SDK2: variants seen among roughly 807,000 people sequenced by gnomAD.
SDK2 encodes protein sidekick-2.
A neutral mutation model predicts 253.9 loss-of-function variants in SDK2; 105 were observed. The ratio of observed to expected loss-of-function variants is 0.41; its 90% CI spans 0.35 to 0.49. The LOEUF is 0.49. Ranked by LOEUF, SDK2 falls within the 20% of genes least tolerant of loss-of-function variation. The probability of loss-of-function intolerance (pLI) is 0.06; values close to 1 mark genes in which losing one functional copy is unlikely to be tolerated. For synonymous variants in SDK2, 1,249 were observed against 1,234.9 expected (o/e 1.01, Z -0.24); for missense variants, 2,608 against 3,003.0 (o/e 0.87, Z 3.07).
intron 28 of SDK2, among the ~76,000 whole-genome samples, 169 bp from the exon 29 acceptor site, chr17:73,390,650 C>A (rs1395201286): frequency 6.6e-6 from 1 of 152,226 alleles, no homozygotes; most frequent in Non-Finnish European, 1.5e-5. Context: ...ACTCTCCAGT[C>A]TTCAGCTGCC....
chr17:73,627,709 CA>C (rs1335383641), intron 1 of SDK2, among the ~76,000 whole-genome samples: 1 of 152,212 alleles, frequency 6.6e-6, no homozygotes, highest in Non-Finnish European at 1.5e-5. Flanking sequence ...GTACATCAGA[CA>C]ATCTTCCCAC....
rs555298589 is a variant in SDK2 at position 73,608,567 on chromosome 17, C to T, written c.64+35458G>A. On this transcript the variant is annotated intron_variant, in intron 1 of 44. Transcript: ENST00000392650. ...AAGCGATTCTCCTGCCTCAGCCTCC[C>T]GAGTAGCTGGGATTACAGGCACCCA... is the stretch of plus-strand genomic sequence containing the variant. Among the ~76,000 whole-genome samples the T allele has an allele frequency of 3.9e-5, 6 of 152,258 alleles. No homozygotes were observed. The East Asian group carries it at 5.8e-4, about 15-fold the overall frequency.
At chr17:73,359,870 G>C (rs1161200638) in intron 39 of SDK2, among the ~76,000 whole-genome samples, 2 of 152,144 alleles carry the variant, frequency 1.3e-5, no homozygotes, top group African/African-American at 4.8e-5. Flanking sequence ...TTGAACTCCT[G>C]GGCTCAGGCA....
rs1372363484 is a variant in SDK2 at position 73,534,380 on chromosome 17, GA to G, written c.65-26784del. ...TGGCACTGGGCAAGGCAGGGACCAGGAAAAAAGCATTCCTGGGACAGAGGCA... is the reference window on the plus strand; with the variant it reads ...TGGCACTGGGCAAGGCAGGGACCAGGAAAAAGCATTCCTGGGACAGAGGCA... On this transcript the variant is annotated intron_variant, in intron 1 of 44. Coordinates refer to ENST00000392650, the MANE Select transcript of SDK2 (RefSeq NM_001144952.2). The surrounding 1 kb of genome is among the most constrained non-coding windows in gnomAD (Gnocchi z 4.9). 6.6e-6 allele frequency among the ~76,000 whole-genome samples: 1 copy of G among 152,074 alleles called. No individual in the cohort carries two copies.
chr17:73,342,983 G>C (rs1017754892), intron 44 of SDK2, among the ~76,000 whole-genome samples: 2 of 152,214 alleles, frequency 1.3e-5, no homozygotes, highest in African/African-American at 2.4e-5. Flanking sequence ...AGGAAGCCGG[G>C]GAGGCTGACT....
In SDK2 at chr17:73,408,047, C is replaced by CT. The variant is rs951934202; in HGVS notation, c.2485-5907dup. Among the ~76,000 whole-genome samples the CT allele has an allele frequency of 1.1e-3, 76 of 66,244 alleles. 2 individuals carry two copies. In the Admixed American group the frequency reaches 0.013, roughly 11 times the overall value. The allele number at this position is 66,244 out of a possible 152,430, so 43.5% of individuals were successfully genotyped here. On this transcript the variant is annotated intron_variant, in intron 18 of 44. Transcript: ENST00000392650. Reference sequence around the variant, plus strand: ...CACCATCTAGGAAGTAAAATATTTCCTTTTTTTTTTTTTTTTTCTTTTGAG... The same window carrying CT: ...CACCATCTAGGAAGTAAAATATTTCCTTTTTTTTTTTTTTTTTTCTTTTGAG...
chr17:73,468,978 C>G (rs1181803031), intron 3 of SDK2, among the ~76,000 whole-genome samples: 3 of 151,224 alleles, frequency 2.0e-5, no homozygotes, highest in Non-Finnish European at 4.4e-5. Context: ...GTGCATGCCA[C>G]CATGCCCGGC....
At chr17:73,588,276 A>G (rs1318827572) in intron 1 of SDK2, among the ~76,000 whole-genome samples, 2 of 148,124 alleles carry the variant, frequency 1.4e-5, no homozygotes, top group Non-Finnish European at 3.0e-5. Flanking sequence ...AATCTCAGCT[A>G]CTCGGGAGGG....
intron 18 of SDK2, among the ~76,000 whole-genome samples, chr17:73,406,581 A>G (rs2063081463): frequency 6.6e-6 from 1 of 152,198 alleles, no homozygotes; most frequent in South Asian, 2.1e-4. Context: ...AATGGAAGAA[A>G]AAACCAAACC....
chr17:73,505,705 A>G (rs1436528706), intron 2 of SDK2, among the ~76,000 whole-genome samples: 2 of 148,060 alleles, frequency 1.4e-5, no homozygotes, highest in African/African-American at 2.5e-5. Context: ...ATCATCATCA[A>G]TAGCTGGACC....
Position 73,402,094 on chromosome 17 carries a change from G to A in SDK2, c.2532C>T (p.Thr844=), listed in dbSNP as rs931222989. 4.3e-6 allele frequency: 7 copies of A among 1,614,018 alleles called. No homozygotes were observed. The highest frequency in any genetic ancestry group is 5.9e-6 in the Non-Finnish European group (7 of 1,179,880). The change falls in exon 19 of 45, where the codon ACC becomes ACT. Residue 844 remains threonine, a synonymous_variant. Coordinates refer to ENST00000392650, the MANE Select transcript of SDK2 (RefSeq NM_001144952.2). ...PEQEEEVTMV[T]ARPNFQDSIH... ...TGCTGTCTTGAAAGTTAGGCCGGGC[G>A]GTCACCATGGTAACCTCCTCTTCCT...
intron 1 of SDK2, among the ~76,000 whole-genome samples, chr17:73,621,147 C>A (rs1029878832): frequency 6.6e-6 from 1 of 152,174 alleles, no homozygotes; most frequent in Non-Finnish European, 1.5e-5. Flanking sequence ...ACATCAAATT[C>A]TTTGTATAGA....
intron 1 of SDK2, among the ~76,000 whole-genome samples, chr17:73,532,479 T>C (rs1241998211): frequency 1.3e-5 from 2 of 151,722 alleles, no homozygotes; most frequent in African/African-American, 4.8e-5. Flanking sequence ...GGCCCCAGAG[T>C]CAGGTGGCAG....
intron 1 of SDK2, among the ~76,000 whole-genome samples, chr17:73,604,265 G>A (rs773395867): frequency 3.9e-5 from 6 of 152,346 alleles, no homozygotes; most frequent in East Asian, 1.9e-4. Context: ...CCTGCATTCC[G>A]GGCAGGGTGG....
At chr17:73,375,139 C>T (rs994757705) in intron 36 of SDK2, among the ~76,000 whole-genome samples, 9 of 151,196 alleles carry the variant, frequency 6.0e-5, no homozygotes, top group African/African-American at 2.2e-4. Context: ...GCTCTTTTTT[C>T]CTCTCTTTCT....
rs1038173784 is a variant in SDK2, at chr17:73,621,939, T to A, written c.64+22086A>T. Among the ~76,000 whole-genome samples, 4 of 152,204 alleles carry A rather than the reference T, an allele frequency of 2.6e-5. No individual in the cohort carries two copies. The East Asian group carries it at 7.7e-4, about 29-fold the overall frequency. ...TACAGATTCAAGATGGTCAGTGAAC[T>A]CTAAGCAGGATAACCAACGACTCAT... On this transcript the variant is annotated intron_variant, in intron 1 of 44. Transcript: ENST00000392650.
intron 1 of SDK2, among the ~76,000 whole-genome samples, chr17:73,556,003 G>T (rs1176715223): frequency 1.3e-5 from 2 of 152,128 alleles, no homozygotes; most frequent in African/African-American, 4.8e-5. Flanking sequence ...GAGCTTCTGG[G>T]GTTTCCAGGG....
intron 2 of SDK2, among the ~76,000 whole-genome samples, chr17:73,486,374 C>G (rs531122553): frequency 6.6e-6 from 1 of 151,964 alleles, no homozygotes; most frequent in Non-Finnish European, 1.5e-5. Flanking sequence ...TTTGGGAAGC[C>G]GAGGCAGGGG....
intron 2 of SDK2, among the ~76,000 whole-genome samples, chr17:73,505,002 C>G (rs569774859): frequency 1.3e-5 from 2 of 152,256 alleles, no homozygotes; most frequent in East Asian, 3.9e-4. Flanking sequence ...GCCACCAGAT[C>G]CAACACTCTT....
Sources: allele counts gnomAD v4.1 joint callset (sites outside exome capture counted in the v4.1 genomes callset), GRCh38; gene constraint gnomAD v4.1.1; non-coding constraint Gnocchi (gnomAD v3.1); transcripts MANE v1.5; gene names NCBI Gene and HGNC (gene_info 2026-07-23, HGNC 2026-07-21).